Variants in SPAG16 observed in about 807,000 individuals in gnomAD.
SPAG16 encodes sperm associated antigen 16, also known as sperm-associated antigen 16 protein.
In SPAG16, 86 loss-of-function variants were observed where a neutral mutation model predicts 80.4. The observed-to-expected ratio is 1.07, with a 90% CI of 0.90 to 1.28. The LOEUF (loss-of-function observed/expected upper bound fraction) is 1.28. Among genes scored for constraint, SPAG16 ranks in the 50% most tolerant of loss-of-function variants. The pLI, the probability that SPAG16 is intolerant of heterozygous loss-of-function variation, is 0.00. For synonymous variants in SPAG16, 294 were observed against 265.9 expected (o/e 1.11, Z -1.03); for missense variants, 870 against 765.3 (o/e 1.14, Z -1.61).
chr2:213,851,388 A>T (rs548161364), intron 10 of SPAG16, among the ~76,000 whole-genome samples: 2 of 152,146 alleles, frequency 1.3e-5, no homozygotes, highest in Admixed American at 1.3e-4. Flanking sequence ...GGTGCCTGTA[A>T]TCTCAGCTAC....
At chr2:214,163,595 CAT>C (rs1172733530) in intron 15 of SPAG16, among the ~76,000 whole-genome samples, 17 of 142,442 alleles carry the variant, frequency 1.2e-4, no homozygotes, top group African/African-American at 4.3e-4. Context: ...TATACACACA[CAT>C]ATATACATAT....
At chr2:213,731,176 G>T (rs1946417) in intron 10 of SPAG16, among the ~76,000 whole-genome samples, 63 of 129,816 alleles carry the variant, frequency 4.9e-4, no homozygotes, top group Admixed American at 7.1e-4. Flanking sequence ...TTTTTTTTGA[G>T]TTGGAGTTTT....
chr2:214,310,733 T>C (rs1286001369), intron 15 of SPAG16, among the ~76,000 whole-genome samples: 1 of 152,172 alleles, frequency 6.6e-6, no homozygotes, highest in Non-Finnish European at 1.5e-5. Context: ...GGCCTTCAGT[T>C]CAGATAGTCA....
chr2:213,389,184 A>C (rs190865316), intron 9 of SPAG16, among the ~76,000 whole-genome samples: 51 of 152,292 alleles, frequency 3.3e-4, no homozygotes, highest in African/African-American at 1.2e-3. Context: ...TCTTTTTACC[A>C]AATTGTGCTG....
At chr2:213,982,908 A>G (rs2045832307) in intron 12 of SPAG16, among the ~76,000 whole-genome samples, 1 of 152,008 alleles carries the variant, frequency 6.6e-6, no homozygotes, top group Admixed American at 6.6e-5. Context: ...CATTGCAATT[A>G]TTATTTTAAT....
chr2:213,407,739 A>G (rs553182661), intron 9 of SPAG16, among the ~76,000 whole-genome samples: 1 of 139,940 alleles, frequency 7.1e-6, no homozygotes, highest in Admixed American at 7.1e-5. Context: ...AGAGAGAGAC[A>G]GGAGAGAGGC....
intron 15 of SPAG16, among the ~76,000 whole-genome samples, chr2:214,256,797 G>A (rs1196049083): frequency 6.6e-6 from 1 of 151,166 alleles, no homozygotes; most frequent in Non-Finnish European, 1.5e-5. Context: ...TTTTATGCCA[G>A]TACCACACTT....
intron 11 of SPAG16, among the ~76,000 whole-genome samples, chr2:213,886,428 G>A (rs565768881): frequency 6.6e-6 from 1 of 152,070 alleles, no homozygotes; most frequent in African/African-American, 2.4e-5. Flanking sequence ...AGGTCAGAGA[G>A]GACTATTGAT....
chr2:214,361,055 G>T (rs1046215953), intron 15 of SPAG16, among the ~76,000 whole-genome samples: 1 of 151,792 alleles, frequency 6.6e-6, no homozygotes, highest in Non-Finnish European at 1.5e-5. Flanking sequence ...CAGTTAACAA[G>T]ATATGTGGAG....
At chr2:213,755,424 G>T (rs1048648505) in intron 10 of SPAG16, among the ~76,000 whole-genome samples, 2 of 152,056 alleles carry the variant, frequency 1.3e-5, no homozygotes, top group African/African-American at 4.8e-5. Flanking sequence ...TAAAATCCTG[G>T]TAGAGACATC....
At chr2:213,470,894 A>G (rs1014145043) in intron 9 of SPAG16, among the ~76,000 whole-genome samples, 1 of 152,128 alleles carries the variant, frequency 6.6e-6, no homozygotes, top group African/African-American at 2.4e-5. Flanking sequence ...CTCTGCCCCA[A>G]ATTTCTTTGT....
intron 7 of SPAG16, among the ~76,000 whole-genome samples, chr2:213,360,845 C>G (rs1209949502): frequency 6.6e-6 from 1 of 152,078 alleles, no homozygotes; most frequent in South Asian, 2.1e-4. Flanking sequence ...TTTATTTCAA[C>G]GTTTGATGCA....
At chr2:213,764,460 T>C (rs780059629) in intron 10 of SPAG16, among the ~76,000 whole-genome samples, 1 of 152,164 alleles carries the variant, frequency 6.6e-6, no homozygotes, top group Non-Finnish European at 1.5e-5. Flanking sequence ...GTGAACTAGA[T>C]ATAGTGTCCT....
intron 10 of SPAG16, among the ~76,000 whole-genome samples, chr2:213,680,033 A>G (rs1310393221): frequency 2.0e-5 from 3 of 152,152 alleles, no homozygotes; most frequent in African/African-American, 7.2e-5. Flanking sequence ...TAGCACAGGG[A>G]AAGAGGATAC....
At chr2:214,083,130 A>G (rs965089613) in intron 13 of SPAG16, among the ~76,000 whole-genome samples, 8 of 152,156 alleles carry the variant, frequency 5.3e-5, no homozygotes, top group African/African-American at 1.9e-4. Flanking sequence ...TAATACTACC[A>G]TCTATTAGGA....
At chr2:214,141,550 A>G (rs1048023982) in intron 14 of SPAG16, among the ~76,000 whole-genome samples, 1 of 151,938 alleles carries the variant, frequency 6.6e-6, no homozygotes, top group Non-Finnish European at 1.5e-5. Context: ...TATACTTAGG[A>G]TTTTACTTTT....
chr2:213,975,481 T>C (rs781195029), intron 12 of SPAG16, among the ~76,000 whole-genome samples: 1 of 151,890 alleles, frequency 6.6e-6, no homozygotes, highest in Non-Finnish European at 1.5e-5. Context: ...AGTTTTTGAT[T>C]AAAGGAAATG....
At chr2:214,155,592 C>A (rs1268365181) in intron 15 of SPAG16, among the ~76,000 whole-genome samples, 1 of 152,040 alleles carries the variant, frequency 6.6e-6, no homozygotes, top group African/African-American at 2.4e-5. Context: ...CCTGCCTCAG[C>A]CTCCTGAGAA....
chr2:214,239,833 C>G (rs1444362141), intron 15 of SPAG16: 1 of 151,992 alleles, frequency 6.6e-6, no homozygotes, highest in Admixed American at 6.6e-5. Context: ...TACCTGAAGT[C>G]AGCTGCATAA....
Sources: gnomAD v4.1 joint callset for allele counts (sites outside exome capture counted in the v4.1 genomes callset) on GRCh38, gnomAD v4.1.1 for gene constraint, MANE v1.5 for transcripts, NCBI Gene and HGNC (gene_info 2026-07-23, HGNC 2026-07-21) for gene names.